The following NTM variants were observed in gnomAD, a reference collection of about 807,000 sequenced individuals.
NTM encodes the protein IgLON family member 2.
Under a neutral mutation model 42.1 loss-of-function variants are expected in NTM, and 13 were observed. The ratio of observed to expected loss-of-function variants is 0.31; its 90% CI spans 0.20 to 0.49. The LOEUF is 0.49. NTM is among the 20% of genes least tolerant of loss of function. NTM has a pLI of 0.99. For synonymous variants in NTM, 187 were observed against 179.2 expected (o/e 1.04, Z -0.35); for missense variants, 373 against 452.8 (o/e 0.82, Z 1.60).
chr11:131,462,625 T>C (rs964274249), intron 1 of NTM, among the ~76,000 whole-genome samples: 3 of 152,238 alleles, frequency 2.0e-5, no homozygotes, highest in African/African-American at 7.2e-5. Flanking sequence ...TGGCCACTGT[T>C]TCAGTTGAGG....
At chr11:131,968,876 C>G (rs1020861583) in intron 2 of NTM, among the ~76,000 whole-genome samples, 1 of 152,180 alleles carries the variant, frequency 6.6e-6, no homozygotes, top group Non-Finnish European at 1.5e-5. Flanking sequence ...CTGGCTTTTT[C>G]TCTTACTGCA....
At chr11:131,827,245 A>G (rs1307174664) in intron 1 of NTM, among the ~76,000 whole-genome samples, 1 of 152,220 alleles carries the variant, frequency 6.6e-6, no homozygotes, top group African/African-American at 2.4e-5. Context: ...AGATGACACA[A>G]TAGGAAATAA....
intron 1 of NTM, among the ~76,000 whole-genome samples, chr11:131,524,507 G>A (rs111982475): frequency 6.6e-6 from 1 of 152,184 alleles, no homozygotes; most frequent in Non-Finnish European, 1.5e-5. Context: ...ATCCACCAGG[G>A]TCATGCTCTA....
At chr11:132,218,627 G>A (rs889954172) in intron 4 of NTM, among the ~76,000 whole-genome samples, 2 of 152,156 alleles carry the variant, frequency 1.3e-5, no homozygotes, top group Non-Finnish European at 2.9e-5. Context: ...GAATCCAGGA[G>A]AGACAATTAA....
In NTM at chr11:132,074,645, G is replaced by A. The variant is rs529200901; in HGVS notation, c.168-71637G>A. On this transcript the variant is annotated intron_variant, in intron 2 of 8. Coordinates refer to ENST00000683400, the MANE Select transcript of NTM (RefSeq NM_001352005.2). ...TTTCAGAAACATTGCAACACTGTTC[G>A]CAACAACCAAGATATGGAAACACTA... 4.6e-5 allele frequency among the ~76,000 whole-genome samples: 7 copies of A among 151,968 alleles called. No individual in the cohort carries two copies. The South Asian group carries it at 1.5e-3, about 32-fold the overall frequency.
rs548490017 is a variant in NTM at position 132,082,221 on chromosome 11, T to A, written c.168-64061T>A. Reference sequence around the variant, plus strand: ...TGTTCAGCTAAATCCAGTTCTTGTTTCATGACCAGGAAAAATTAGGCACAC... The same window carrying A: ...TGTTCAGCTAAATCCAGTTCTTGTTACATGACCAGGAAAAATTAGGCACAC... On this transcript the variant is annotated intron_variant, in intron 2 of 8. Coordinates refer to ENST00000683400, the MANE Select transcript of NTM (RefSeq NM_001352005.2). Among the ~76,000 whole-genome samples, 9 of 152,196 alleles carry A rather than the reference T, an allele frequency of 5.9e-5. No individual in the cohort carries two copies. In the South Asian group the frequency reaches 8.3e-4, roughly 14 times the overall value.
chr11:131,402,563 G>A (rs955627662), intron 1 of NTM, among the ~76,000 whole-genome samples: 3 of 152,112 alleles, frequency 2.0e-5, no homozygotes, highest in African/African-American at 7.2e-5. Flanking sequence ...AACAGCACAA[G>A]CCAACCAATG....
intron 1 of NTM, among the ~76,000 whole-genome samples, chr11:131,404,364 G>T (rs924087473): frequency 6.6e-6 from 1 of 151,990 alleles, no homozygotes; most frequent in East Asian, 1.9e-4. Flanking sequence ...GTTCCTCTTG[G>T]CCTCCCTGGC....
chr11:131,393,134 ACTG>A (rs1565457347), intron 1 of NTM, among the ~76,000 whole-genome samples: 1 of 152,160 alleles, frequency 6.6e-6, no homozygotes, highest in Non-Finnish European at 1.5e-5. Context: ...TCGTAAGCAG[ACTG>A]CTGCTGCAGC....
chr11:132,058,263 C>G (rs1031205701), intron 2 of NTM, among the ~76,000 whole-genome samples: 9 of 152,122 alleles, frequency 5.9e-5, no homozygotes, highest in African/African-American at 2.2e-4. Flanking sequence ...GCGGGAGGTG[C>G]TGCTGCTGGA....
intron 2 of NTM, among the ~76,000 whole-genome samples, chr11:132,097,471 A>T (rs913211684): frequency 3.3e-5 from 5 of 152,326 alleles, no homozygotes; most frequent in Admixed American, 2.0e-4. Flanking sequence ...AGGGAATGTC[A>T]CTTGTCCGTC....
At chr11:131,619,133 C>T (rs770488297) in intron 1 of NTM, among the ~76,000 whole-genome samples, 2 of 152,124 alleles carry the variant, frequency 1.3e-5, no homozygotes, top group African/African-American at 4.8e-5. Context: ...CACTCCACAG[C>T]GAATAAGCCC....
intron 1 of NTM, among the ~76,000 whole-genome samples, chr11:131,371,950 A>C (rs550370678): frequency 6.6e-6 from 1 of 152,202 alleles, no homozygotes; most frequent in Non-Finnish European, 1.5e-5. Flanking sequence ...TTGTATTCCC[A>C]GAGGAAAGTT....
chr11:132,236,021 C>T (rs3133887), intron 4 of NTM, among the ~76,000 whole-genome samples: 4,251 of 150,880 alleles, frequency 0.028, 214 homozygotes, highest in African/African-American at 0.096. Flanking sequence ...CACACACACA[C>T]AACAAAATTG....
chr11:131,513,768 A>G (rs6590583), intron 1 of NTM, among the ~76,000 whole-genome samples: 20,950 of 152,172 alleles, frequency 0.14, 1,644 homozygotes, highest in East Asian at 0.26. Flanking sequence ...GAAAATATTT[A>G]TAAGTATTGT....
At chr11:131,724,188 C>T (rs2078689408) in intron 1 of NTM, among the ~76,000 whole-genome samples, 1 of 152,138 alleles carries the variant, frequency 6.6e-6, no homozygotes, top group African/African-American at 2.4e-5. Context: ...GATGCTGAGC[C>T]AGCTGCAGGG....
chr11:131,962,854 T>G (rs2062379022), intron 2 of NTM, among the ~76,000 whole-genome samples: 1 of 152,150 alleles, frequency 6.6e-6, no homozygotes, highest in African/African-American at 2.4e-5. Flanking sequence ...ATGACCACAC[T>G]GTCCTTCAGC....
chr11:131,717,606 T>C (rs941054852), intron 1 of NTM, among the ~76,000 whole-genome samples: 4 of 152,262 alleles, frequency 2.6e-5, no homozygotes, highest in Non-Finnish European at 4.4e-5. Flanking sequence ...TTGTTTGTTC[T>C]AGTAGTTTTT....
At chr11:131,669,554 C>T (rs1219285467) in intron 1 of NTM, among the ~76,000 whole-genome samples, 1 of 152,160 alleles carries the variant, frequency 6.6e-6, no homozygotes, top group Non-Finnish European at 1.5e-5. Context: ...TTGAAGGAGG[C>T]TACCTTGTTG....
Sources: allele counts gnomAD v4.1 joint callset (sites outside exome capture counted in the v4.1 genomes callset), GRCh38; gene constraint gnomAD v4.1.1; transcripts MANE v1.5; gene names NCBI Gene and HGNC (gene_info 2026-07-23, HGNC 2026-07-21).